RPTOR: variants seen among roughly 807,000 people sequenced by gnomAD.
RPTOR encodes regulatory-associated protein of mTOR.
Under a neutral mutation model 169.9 loss-of-function variants are expected in RPTOR, and 21 were observed. That is an observed-to-expected ratio of 0.12 (90% CI 0.09 to 0.18). The LOEUF (loss-of-function observed/expected upper bound fraction) is 0.18, where lower values mean the gene tolerates loss of function less well. Among genes scored for constraint, RPTOR ranks in the 10% least tolerant of loss-of-function variants. RPTOR has a pLI of 1.00. For missense variants in RPTOR, 1,133 were observed against 1,855.9 expected, an observed-to-expected ratio of 0.61 and a Z score of 7.16; for synonymous variants, 732 against 753.2, an observed-to-expected ratio of 0.97 and a Z score of 0.46.
At chr17:80,909,809 T>C (rs2068590795) in intron 21 of RPTOR, 2 of 152,244 alleles carry the variant, frequency 1.3e-5, no homozygotes, top group African/African-American at 2.4e-5. Context: ...CTCTGTTGTT[T>C]GTCCATTTTC....
chr17:80,654,629 G>A (rs567971004), intron 3 of RPTOR, among the ~76,000 whole-genome samples: 39 of 152,360 alleles, frequency 2.6e-4, no homozygotes, highest in African/African-American at 8.9e-4. Flanking sequence ...GGTTGCATGT[G>A]TGGCAGGCTC....
intron 5 of RPTOR, among the ~76,000 whole-genome samples, chr17:80,731,080 T>C (rs560524491): frequency 2.2e-4 from 34 of 152,254 alleles, no homozygotes; most frequent in African/African-American, 8.2e-4. Context: ...TGTTTCGCCA[T>C]GTTTCTCAGC....
intron 1 of RPTOR, among the ~76,000 whole-genome samples, chr17:80,600,520 C>T (rs929834446): frequency 2.0e-5 from 3 of 152,254 alleles, no homozygotes; most frequent in South Asian, 2.1e-4. Flanking sequence ...GAGGTGCTGG[C>T]GCTGTGTGCC....
At chr17:80,716,678 C>G (rs1234621638) in intron 4 of RPTOR, among the ~76,000 whole-genome samples, 2 of 152,106 alleles carry the variant, frequency 1.3e-5, no homozygotes, top group African/African-American at 4.8e-5. Context: ...CCAATGTTAT[C>G]TTCTAGAATT....
At chr17:80,629,210 A>G (rs2143544534) in intron 2 of RPTOR, among the ~76,000 whole-genome samples, 2 of 150,874 alleles carry the variant, frequency 1.3e-5, no homozygotes, top group Middle Eastern at 7.2e-3. Flanking sequence ...GCTGTCGGAC[A>G]TAGTACCACA....
At chr17:80,588,394 C>A (rs2065079878) in intron 1 of RPTOR, among the ~76,000 whole-genome samples, 1 of 152,086 alleles carries the variant, frequency 6.6e-6, no homozygotes, top group Non-Finnish European at 1.5e-5. Context: ...AACTCCTGAC[C>A]TCAGGTGATC....
intron 6 of RPTOR, among the ~76,000 whole-genome samples, chr17:80,757,422 C>T (rs1006427932): frequency 2.6e-5 from 4 of 152,132 alleles, no homozygotes; most frequent in Non-Finnish European, 4.4e-5. Flanking sequence ...CCTTTCTGAA[C>T]GCAGATCTCT....
At position 80,828,108 on chromosome 17, in the gene RPTOR, G is replaced by A. The variant is rs570964564; in HGVS notation, c.1136+4885G>A. On this transcript the variant is annotated intron_variant, in intron 9 of 33. Coordinates refer to ENST00000306801, the MANE Select transcript of RPTOR (RefSeq NM_020761.3). Reference sequence around the variant, plus strand: ...AAGTGGTGTTTAACCAGGGAGGAAAGCTCTTGTCACCTCTTGTTACACATG... The same window carrying A: ...AAGTGGTGTTTAACCAGGGAGGAAAACTCTTGTCACCTCTTGTTACACATG... 2.6e-5 allele frequency among the ~76,000 whole-genome samples: 4 copies of A among 152,328 alleles called. No individual in the cohort carries two copies. In the South Asian group the frequency reaches 8.3e-4, roughly 32 times the overall value.
Position 80,858,707 on chromosome 17 carries a change from A to G in RPTOR, c.1509+807A>G, listed in dbSNP as rs1348896268. 2.0e-5 allele frequency among the ~76,000 whole-genome samples: 3 copies of G among 150,718 alleles called. No individual in the cohort carries two copies. The East Asian group carries it at 5.9e-4, about 30-fold the overall frequency. On this transcript the variant is annotated intron_variant, in intron 13 of 33. Transcript: ENST00000306801. ...ACTGGAAACGCCAGGAAGGGCCTTG[A>G]GGGGGTGGATGTCGGGCGGGGGTCC...
rs2065455479 is a variant in RPTOR at position 80,633,226 on chromosome 17, C to G, written c.265+7433C>G. ...CCTCTGAATTCCTTAGTGTGTAATT[C>G]CTGCCAGCCGGGAGTTTCTCTTTCC... On this transcript the variant is annotated intron_variant, in intron 2 of 33. Coordinates refer to ENST00000306801, the MANE Select transcript of RPTOR (RefSeq NM_020761.3). This position sits in a 1 kb window ranked among gnomAD's most constrained non-coding sequence, Gnocchi z 4.1. Among the ~76,000 whole-genome samples the G allele has an allele frequency of 6.6e-6, 1 of 152,234 alleles. No individual in the cohort carries two copies. The highest frequency in any genetic ancestry group is 2.4e-5 in the African/African-American group (1 of 41,462).
At position 80,947,848 on chromosome 17, in the gene RPTOR, G is replaced by A. The variant is rs537818040; in HGVS notation, c.3265+497G>A. ...AAGGACATCGTTGACCATCATGGTC[G>A]CTGACCAGTGGTTCATTGCCGTAGT... is the stretch of plus-strand genomic sequence containing the variant. On this transcript the variant is annotated intron_variant, in intron 27 of 33. Coordinates refer to ENST00000306801, the MANE Select transcript of RPTOR (RefSeq NM_020761.3). The surrounding 1 kb of genome is among the most constrained non-coding windows in gnomAD (Gnocchi z 4.4). Among the ~76,000 whole-genome samples, 5 of 152,318 alleles carry A rather than the reference G, an allele frequency of 3.3e-5. No homozygotes were observed. The highest frequency in any genetic ancestry group is 3.9e-4 in the East Asian group (2 of 5,172).
chr17:80,825,771 G>C (rs1167147967), intron 9 of RPTOR, among the ~76,000 whole-genome samples: 1 of 152,350 alleles, frequency 6.6e-6, no homozygotes, highest in Admixed American at 6.5e-5. Context: ...TGTGTCAGAG[G>C]CTCCGCTTGG....
chr17:80,625,643 G>A (rs867563107), intron 1 of RPTOR, 48 bp from the exon 2 acceptor site: 7 of 1,375,782 alleles, frequency 5.1e-6, no homozygotes, highest in Admixed American at 5.0e-5. Context: ...ACACATAAAC[G>A]AGTTCCATAT....
At chr17:80,800,799 A>G (rs1400854792) in intron 7 of RPTOR, among the ~76,000 whole-genome samples, 1 of 152,124 alleles carries the variant, frequency 6.6e-6, no homozygotes, top group Non-Finnish European at 1.5e-5. Context: ...AGAGATGTGA[A>G]CCTGTTCCAC....
chr17:80,676,259 T>C (rs145280064), intron 3 of RPTOR, among the ~76,000 whole-genome samples: 43 of 152,208 alleles, frequency 2.8e-4, no homozygotes, highest in Non-Finnish European at 4.3e-4. Flanking sequence ...AGTGGTTAAG[T>C]AAAGATGAAT....
intron 1 of RPTOR, among the ~76,000 whole-genome samples, chr17:80,591,544 C>G (rs1482240085): frequency 4.0e-5 from 6 of 151,164 alleles, no homozygotes; most frequent in Admixed American, 4.0e-4. Context: ...ACACCCAGCT[C>G]ATTTTTGTAA....
At chr17:80,762,460 C>G (rs985534518) in intron 6 of RPTOR, among the ~76,000 whole-genome samples, 2 of 152,210 alleles carry the variant, frequency 1.3e-5, no homozygotes, top group Non-Finnish European at 2.9e-5. Flanking sequence ...TCTCCTCCCA[C>G]TGCCCTTGAT....
intron 2 of RPTOR, among the ~76,000 whole-genome samples, chr17:80,637,078 G>A (rs1303274073): frequency 6.6e-6 from 1 of 152,192 alleles, no homozygotes; most frequent in African/African-American, 2.4e-5. Flanking sequence ...TGAGTATGGG[G>A]TTCATTTTTG....
chr17:80,905,727 C>G (rs964163030), intron 20 of RPTOR, among the ~76,000 whole-genome samples: 1 of 152,186 alleles, frequency 6.6e-6, no homozygotes, highest in African/African-American at 2.4e-5. Flanking sequence ...CCCGGGTGTC[C>G]GCGTCTGTGG....
Sources: gnomAD v4.1 joint callset for allele counts (sites outside exome capture counted in the v4.1 genomes callset) on GRCh38, gnomAD v4.1.1 for gene constraint, Gnocchi (gnomAD v3.1) non-coding constraint, MANE v1.5 for transcripts, NCBI Gene and HGNC (gene_info 2026-07-23, HGNC 2026-07-21) for gene names.